The following EBF3 variants were observed in gnomAD, a reference collection of about 807,000 sequenced individuals.
The protein encoded by EBF3 is EBF transcription factor 3.
A neutral mutation model predicts 77.1 loss-of-function variants in EBF3; 18 were observed. The observed-to-expected ratio is 0.23, with a 90% CI of 0.16 to 0.35. The LOEUF is 0.35. Among genes scored for constraint, EBF3 ranks in the 10% least tolerant of loss-of-function variants. The pLI is 1.00. For synonymous variants in EBF3, 350 were observed against 343.5 expected (o/e 1.02, Z -0.21); for missense variants, 558 against 860.0 (o/e 0.65, Z 4.39).
intron 15 of EBF3, among the ~76,000 whole-genome samples, chr10:129,839,554 G>C (rs111367897): frequency 2.0e-5 from 3 of 152,146 alleles, no homozygotes; most frequent in African/African-American, 7.2e-5. Context: ...CTGATTCTTT[G>C]AAAGAGATCA....
intron 11 of EBF3, among the ~76,000 whole-genome samples, chr10:129,843,682 T>C (rs180731020): frequency 5.9e-5 from 9 of 152,360 alleles, no homozygotes; most frequent in African/African-American, 2.2e-4. Context: ...ATCTCACCCC[T>C]AATTCACGCC....
intron 6 of EBF3, among the ~76,000 whole-genome samples, chr10:129,895,156 C>T (rs1051448443): frequency 8.5e-5 from 13 of 152,248 alleles, no homozygotes; most frequent in African/African-American, 3.1e-4. Flanking sequence ...CGTCCATCGA[C>T]TTCATGGAGC....
rs1189536836 is a variant in EBF3 at position 129,944,350 on chromosome 10, A to C, written c.554+12908T>G. 6.6e-6 allele frequency among the ~76,000 whole-genome samples: 1 copy of C among 152,208 alleles called. No homozygotes were observed. The highest frequency in any genetic ancestry group is 2.4e-5 in the African/African-American group (1 of 41,444). On this transcript the variant is annotated intron_variant, in intron 6 of 16. Coordinates refer to ENST00000440978, the MANE Select transcript of EBF3 (RefSeq NM_001375380.1). The surrounding 1 kb of genome is among the most constrained non-coding windows in gnomAD (Gnocchi z 5.1). ...ACATGCAGGGAACATTTTTATTGTT[A>C]ATCAATGCCAATCAATTCTGAGCCT...
chr10:129,939,721 T>C (rs1857599408), intron 6 of EBF3, among the ~76,000 whole-genome samples: 1 of 152,198 alleles, frequency 6.6e-6, no homozygotes, highest in Non-Finnish European at 1.5e-5. Context: ...TCAATGGAGT[T>C]AGAATTCCCA....
At chr10:129,946,496 A>T (rs1363767168) in intron 6 of EBF3, among the ~76,000 whole-genome samples, 2 of 152,130 alleles carry the variant, frequency 1.3e-5, no homozygotes. Context: ...TTAAAGTTAA[A>T]TGTCTCATAA....
chr10:129,953,743 C>G (rs527782030), intron 6 of EBF3, among the ~76,000 whole-genome samples: 7 of 152,218 alleles, frequency 4.6e-5, no homozygotes, highest in African/African-American at 1.7e-4. Context: ...GGACCTTGCA[C>G]CTTCCATCCA....
At position 129,963,442 on chromosome 10, in the gene EBF3, C is replaced by T; in HGVS notation, c.216G>A (p.Leu72=). 6.3e-7 allele frequency: 1 copy of T among 1,591,958 alleles called. No homozygotes were observed. Residue 72 remains leucine (L), a synonymous_variant, in exon 2 of 17, where the codon CTG becomes CTA. Transcript: ENST00000440978. This position sits in a 1 kb window ranked among gnomAD's most constrained non-coding sequence, Gnocchi z 7.1. ...GCTGCCCCTGCCTATCGTAGAGCGC[C>T]AGCACGAAGTGGAAGAAATTGGATT... The part of the protein sequence containing the change: ...LRKSNFFHFV[L]ALYDRQGQPV...
chr10:129,936,900 G>A (rs971660660), intron 6 of EBF3, among the ~76,000 whole-genome samples: 1 of 152,224 alleles, frequency 6.6e-6, no homozygotes, highest in Non-Finnish European at 1.5e-5. Context: ...GGAGGGCCAT[G>A]CTTTGGCCAA....
At chr10:129,933,187 A>AGCACACAC (rs1282068233) in intron 6 of EBF3, among the ~76,000 whole-genome samples, 1 of 152,160 alleles carries the variant, frequency 6.6e-6, no homozygotes, top group Non-Finnish European at 1.5e-5. Context: ...GCCACTTCGG[A>AGCACACAC]GCACACACGC....
At chr10:129,913,916 C>A (rs139402561) in intron 6 of EBF3, among the ~76,000 whole-genome samples, 213 of 152,382 alleles carry the variant, frequency 1.4e-3, no homozygotes, top group African/African-American at 4.9e-3. Flanking sequence ...TTCATTCACT[C>A]ATCTCGCTTC....
intron 11 of EBF3, among the ~76,000 whole-genome samples, chr10:129,845,054 A>T (rs748564700): frequency 1.3e-5 from 2 of 152,226 alleles, no homozygotes; most frequent in Non-Finnish European, 2.9e-5. Flanking sequence ...TTGGAACATA[A>T]GGATAGTTTA....
rs112440640 is a variant in EBF3, at chr10:129,875,547, C to T, written c.637-1951G>A. Among the ~76,000 whole-genome samples the T allele has an allele frequency of 8.8e-3, 1,335 of 152,310 alleles. 22 individuals are homozygous for T. Among genetic ancestry groups the T allele is most frequent in the African/African-American group, 0.03 (1,265 of 41,574 alleles). ...CCACAAGATGATGATGCAGCAGGGG[C>T]GGTACACACGCATCCCACCCAAATG... On this transcript the variant is annotated intron_variant, in intron 7 of 16. Coordinates refer to ENST00000440978, the MANE Select transcript of EBF3 (RefSeq NM_001375380.1).
At chr10:129,838,935 C>T in intron 16 of EBF3, 148 bp downstream of exon 16, 1 of 660,574 alleles carries the variant, frequency 1.5e-6, no homozygotes, top group East Asian at 6.7e-5. Context: ...ACGGGCAGGG[C>T]CGCGGCACCT....
At chr10:129,884,524 A>G (rs528988346) in intron 6 of EBF3, among the ~76,000 whole-genome samples, 8 of 152,320 alleles carry the variant, frequency 5.3e-5, no homozygotes, top group African/African-American at 1.9e-4. Context: ...TTGCTTTAAC[A>G]CCAGACTTAT....
At chr10:129,883,218 C>A (rs555922886) in intron 6 of EBF3, among the ~76,000 whole-genome samples, 212 of 152,234 alleles carry the variant, frequency 1.4e-3, no homozygotes, top group African/African-American at 5.0e-3. Context: ...ACTGACTGGC[C>A]CCCTGAAAAG....
chr10:129,928,106 A>C (rs1267790543), intron 6 of EBF3, among the ~76,000 whole-genome samples: 1 of 152,224 alleles, frequency 6.6e-6, no homozygotes, highest in Non-Finnish European at 1.5e-5. Flanking sequence ...CAAGACGTCC[A>C]GCCGAGTAAA....
intron 6 of EBF3, among the ~76,000 whole-genome samples, chr10:129,917,469 T>C (rs1855957273): frequency 6.6e-6 from 1 of 151,440 alleles, no homozygotes; most frequent in African/African-American, 2.4e-5. Flanking sequence ...AAAACCCCAC[T>C]AGGAAAATAA....
chr10:129,901,196 G>C (rs929366166), intron 6 of EBF3, among the ~76,000 whole-genome samples: 1 of 152,186 alleles, frequency 6.6e-6, no homozygotes, highest in Non-Finnish European at 1.5e-5. Flanking sequence ...GCCAGAGGCT[G>C]CCAGTGCTCA....
intron 16 of EBF3, among the ~76,000 whole-genome samples, 171 bp downstream of exon 16, chr10:129,838,912 C>T (rs1849805512): frequency 6.6e-6 from 1 of 152,222 alleles, no homozygotes; most frequent in Non-Finnish European, 1.5e-5. Flanking sequence ...TTCAGCCGGC[C>T]CGACCCCGTG....
Sources: gnomAD v4.1 joint callset for allele counts (sites outside exome capture counted in the v4.1 genomes callset) on GRCh38, gnomAD v4.1.1 for gene constraint, Gnocchi (gnomAD v3.1) non-coding constraint, MANE v1.5 for transcripts, NCBI Gene and HGNC (gene_info 2026-07-23, HGNC 2026-07-21) for gene names.